Variants in GNAL observed in about 807,000 individuals in gnomAD.
GNAL encodes guanine nucleotide-binding protein G(olf) subunit alpha.
A neutral mutation model predicts 55.1 loss-of-function variants in GNAL; 18 were observed. The observed-to-expected ratio is 0.33, with a 90% confidence interval of 0.23 to 0.48. GNAL has a LOEUF of 0.48. GNAL is among the 20% of genes least tolerant of loss of function. The pLI is 0.99. For synonymous variants in GNAL, 253 were observed against 237.0 expected (o/e 1.07, Z -0.62); for missense variants, 412 against 614.1 (o/e 0.67, Z 3.48).
At chr18:11,738,065 C>T (rs947180902) in intron 1 of GNAL, among the ~76,000 whole-genome samples, 1 of 152,226 alleles carries the variant, frequency 6.6e-6, no homozygotes, top group African/African-American at 2.4e-5. Flanking sequence ...GGCTGACAGA[C>T]CTGCTGGTAG....
rs578159238 is a variant in GNAL, at chr18:11,696,378, A to T, written c.376+6439A>T. On this transcript the variant is annotated intron_variant, in intron 1 of 11. Transcript: ENST00000334049. ...AAATTAGCCAGGCATGGTGGCGGGC[A>T]CCTGTAGTCCCAGCTACTCGGGAGG... Among the ~76,000 whole-genome samples, 93 of 151,960 alleles carry T rather than the reference A, an allele frequency of 6.1e-4. 1 individual carries two copies. The highest frequency in any genetic ancestry group is 2.1e-3 in the African/African-American group (88 of 41,438).
At chr18:11,824,649 C>T (rs139981527) in intron 4 of GNAL, among the ~76,000 whole-genome samples, 563 of 151,494 alleles carry the variant, frequency 3.7e-3, no homozygotes, top group African/African-American at 0.013. Flanking sequence ...GATGGCACCA[C>T]TGCACTCCAG....
intron 4 of GNAL, among the ~76,000 whole-genome samples, chr18:11,809,634 G>A (rs1303220615): frequency 1.3e-5 from 2 of 152,158 alleles, no homozygotes; most frequent in African/African-American, 2.4e-5. Flanking sequence ...TTGAGAGGCT[G>A]AGACATGAAA....
rs9963594 is a variant in GNAL at position 11,753,993 on chromosome 18, T to C, written c.624+48T>C. The C allele has an allele frequency of 0.041, 57,862 of 1,406,156 alleles. 1,601 individuals carry two copies. Among genetic ancestry groups the C allele is most frequent in the African/African-American group, 0.12 (8,323 of 70,110 alleles). The allele number at this position is 1,406,156 out of a possible 1,614,324, so 87.1% of individuals were successfully genotyped here. ...TTCTAACTAGTGAAAGATGGAACCA[T>C]TTTTAATAAGGTTTCTTATTGAGAA... is the stretch of plus-strand genomic sequence containing the variant. On this transcript the variant is annotated intron_variant, in intron 4 of 11. Coordinates refer to ENST00000334049, the MANE Select transcript of GNAL (RefSeq NM_182978.4).
chr18:11,829,045 G>A (rs529875968), intron 5 of GNAL, among the ~76,000 whole-genome samples: 1 of 152,314 alleles, frequency 6.6e-6, no homozygotes, highest in East Asian at 1.9e-4. Flanking sequence ...TGAGACCACA[G>A]CCAAAATCTG....
intron 4 of GNAL, among the ~76,000 whole-genome samples, chr18:11,819,973 T>TA (rs1456108851): frequency 6.6e-6 from 1 of 151,944 alleles, no homozygotes. Flanking sequence ...AAAAAAAAGT[T>TA]AGAGTTGGGA....
intron 5 of GNAL, chr18:11,851,960 A>T: frequency 6.2e-7 from 1 of 1,613,976 alleles, no homozygotes; most frequent in Non-Finnish European, 8.5e-7. Flanking sequence ...AACCAAGTGG[A>T]TATGCTGCTC....
intron 5 of GNAL, chr18:11,852,367 G>GT: frequency 2.2e-6 from 1 of 462,440 alleles, no homozygotes; most frequent in East Asian, 3.8e-5. Flanking sequence ...AGTTAATTTC[G>GT]TGTATATGAA....
chr18:11,740,384 C>A (rs2032551893), intron 1 of GNAL, among the ~76,000 whole-genome samples: 1 of 152,154 alleles, frequency 6.6e-6, no homozygotes, highest in African/African-American at 2.4e-5. Flanking sequence ...TGACCAAGAT[C>A]TGGGTACCGT....
chr18:11,880,095 A>G (rs2036631947), intron 11 of GNAL, among the ~76,000 whole-genome samples: 1 of 150,510 alleles, frequency 6.6e-6, no homozygotes, highest in African/African-American at 2.4e-5. Context: ...CGTCTCTACT[A>G]AAAATACAAA....
chr18:11,706,315 A>G (rs2031710110), intron 1 of GNAL, among the ~76,000 whole-genome samples: 2 of 152,100 alleles, frequency 1.3e-5, no homozygotes, highest in South Asian at 4.1e-4. Flanking sequence ...GTGCAATCAC[A>G]TCATGTCTTA....
chr18:11,791,980 T>C (rs1179921824), intron 4 of GNAL, among the ~76,000 whole-genome samples: 1 of 152,210 alleles, frequency 6.6e-6, no homozygotes, highest in Non-Finnish European at 1.5e-5. Context: ...TGATTATGAC[T>C]ATTGTCATTT....
chr18:11,734,148 CTT>C (rs545091797), intron 1 of GNAL, among the ~76,000 whole-genome samples: 7,953 of 137,010 alleles, frequency 0.058, 614 homozygotes, highest in African/African-American at 0.18. Context: ...TTTTCTTTTT[CTT>C]TTTTTTTTTT....
intron 4 of GNAL, among the ~76,000 whole-genome samples, chr18:11,768,323 G>A (rs926482068): frequency 9.9e-5 from 15 of 152,282 alleles, no homozygotes; most frequent in African/African-American, 3.1e-4. Context: ...TGTATAGGCC[G>A]GGCACCGTGG....
Position 11,884,716 on chromosome 18 carries a change from C to T in GNAL, c.*3581C>T. 1 of 1,423,636 alleles carries T rather than the reference C, an allele frequency of 7.0e-7. No homozygotes were observed. Among genetic ancestry groups the T allele is most frequent in the Admixed American group, 1.9e-5 (1 of 51,844 alleles). 88.2% of individuals were successfully genotyped at this position (1,423,636 alleles called of 1,614,324 possible). On this transcript the variant is annotated 3_prime_UTR_variant, in exon 12 of 12. Coordinates refer to ENST00000334049, the MANE Select transcript of GNAL (RefSeq NM_182978.4). The stretch of plus-strand genomic sequence containing the variant: ...GAAACAGCAGAGGGAAGACTGCCTT[C>T]TCAGGTCCCCCTCAGGTGAGGCAGG...
intron 4 of GNAL, among the ~76,000 whole-genome samples, chr18:11,782,890 A>T (rs2033958959): frequency 6.6e-6 from 1 of 152,248 alleles, no homozygotes; most frequent in South Asian, 2.1e-4. Context: ...CATGATAAAG[A>T]GAATCATAAA....
intron 7 of GNAL, among the ~76,000 whole-genome samples, chr18:11,864,874 C>T (rs1464964515): frequency 6.6e-6 from 1 of 152,088 alleles, no homozygotes; most frequent in Non-Finnish European, 1.5e-5. Flanking sequence ...TCAGGAGACT[C>T]ATGAAATTTT....
intron 1 of GNAL, among the ~76,000 whole-genome samples, chr18:11,705,960 G>T (rs2031701032): frequency 6.6e-6 from 1 of 151,950 alleles, no homozygotes; most frequent in South Asian, 2.1e-4. Context: ...TCACTATGTT[G>T]GCCAGGCTGG....
At chr18:11,739,469 A>G (rs1202338692) in intron 1 of GNAL, among the ~76,000 whole-genome samples, 2 of 152,044 alleles carry the variant, frequency 1.3e-5, no homozygotes, top group Admixed American at 6.6e-5. Flanking sequence ...AAATCACTCG[A>G]TTGGATATTG....
Sources: allele counts gnomAD v4.1 joint callset (sites outside exome capture counted in the v4.1 genomes callset), GRCh38; gene constraint gnomAD v4.1.1; transcripts MANE v1.5; gene names NCBI Gene and HGNC (gene_info 2026-07-23, HGNC 2026-07-21).